RIC8B: variants seen among roughly 807,000 people sequenced by gnomAD.
RIC8B encodes the protein chaperone Ric-8B.
RIC8B carries 16 observed loss-of-function variants against 57.5 expected under a neutral mutation model. The ratio of observed to expected loss-of-function variants is 0.28; its 90% CI spans 0.19 to 0.42. The LOEUF is 0.42. Among genes scored for constraint, RIC8B ranks in the 10% least tolerant of loss-of-function variants. The pLI, the probability that RIC8B is intolerant of heterozygous loss-of-function variation, is 1.00. For missense variants in RIC8B, 481 were observed against 677.0 expected (o/e 0.71, Z 3.21); for synonymous variants, 216 against 250.8 (o/e 0.86, Z 1.31).
rs17038783 is a variant in RIC8B, at chr12:106,798,824, A to C, written c.132+14780A>C. The stretch of plus-strand genomic sequence containing the variant: ...CATTTATCAAAAAGCTTTCTCTGGC[A>C]AAATTTCTTATAGTTCATTCCTTCA... On this transcript the variant is annotated intron_variant, in intron 2 of 9. Coordinates refer to ENST00000392837, the MANE Select transcript of RIC8B (RefSeq NM_001330145.2). 7.6e-3 allele frequency among the ~76,000 whole-genome samples: 1,153 copies of C among 152,276 alleles called. 14 individuals are homozygous for C. The highest frequency in any genetic ancestry group is 0.027 in the African/African-American group (1,113 of 41,546).
At chr12:106,790,581 T>C (rs916732445) in intron 2 of RIC8B, among the ~76,000 whole-genome samples, 5 of 152,092 alleles carry the variant, frequency 3.3e-5, no homozygotes, top group African/African-American at 1.2e-4. Context: ...ATATGTAGGA[T>C]TGGTGGGGAG....
intron 8 of RIC8B, among the ~76,000 whole-genome samples, chr12:106,861,248 T>A (rs1046168639): frequency 6.6e-6 from 1 of 152,046 alleles, no homozygotes; most frequent in Non-Finnish European, 1.5e-5. Flanking sequence ...ACATGCTGTG[T>A]TTTCTGCTTG....
rs1482821747 is a variant in RIC8B, at chr12:106,795,914, A to G, written c.132+11870A>G. 2.0e-5 allele frequency among the ~76,000 whole-genome samples: 3 copies of G among 152,212 alleles called. No homozygotes were observed. The East Asian group carries it at 5.8e-4, about 29-fold the overall frequency. Reference sequence around the variant, plus strand: ...AATCTGGAGCTGTTTCTAATAAGGTATATATGCTAAGCCCTAGAATAATGA... The same window carrying G: ...AATCTGGAGCTGTTTCTAATAAGGTGTATATGCTAAGCCCTAGAATAATGA... On this transcript the variant is annotated intron_variant, in intron 2 of 9. Coordinates refer to ENST00000392837, the MANE Select transcript of RIC8B (RefSeq NM_001330145.2).
intron 9 of RIC8B, among the ~76,000 whole-genome samples, chr12:106,880,557 G>T (rs1362316688): frequency 2.5e-4 from 38 of 152,128 alleles, no homozygotes; most frequent in Admixed American, 2.4e-3. Flanking sequence ...CCATATGGAA[G>T]AAGCTCAGTC....
intron 6 of RIC8B, 62 bp from the exon 7 acceptor site, chr12:106,851,388 G>C: frequency 8.2e-7 from 1 of 1,225,694 alleles, no homozygotes; most frequent in South Asian, 1.2e-5. Context: ...CAGTTGCATT[G>C]TACCATCCTC....
At chr12:106,824,184 A>G (rs1481199473) in intron 3 of RIC8B, among the ~76,000 whole-genome samples, 3 of 151,826 alleles carry the variant, frequency 2.0e-5, no homozygotes, top group Admixed American at 2.0e-4. Context: ...CCTTCCCCCA[A>G]CCTTCAAATG....
In RIC8B at chr12:106,791,361, T is replaced by G. The variant is rs141330849; in HGVS notation, c.132+7317T>G. Among the ~76,000 whole-genome samples the G allele has an allele frequency of 2.6e-5, 4 of 152,348 alleles. No homozygotes were observed. The East Asian group carries it at 7.7e-4, about 29-fold the overall frequency. On this transcript the variant is annotated intron_variant, in intron 2 of 9. Coordinates refer to ENST00000392837, the MANE Select transcript of RIC8B (RefSeq NM_001330145.2). ...TATAAGCATAGGTTCATTATATAAT[T>G]ATAACGTTACAATATACTGTTACAA...
At chr12:106,796,866 A>G (rs541709599) in intron 2 of RIC8B, among the ~76,000 whole-genome samples, 5 of 152,346 alleles carry the variant, frequency 3.3e-5, no homozygotes, top group African/African-American at 1.2e-4. Context: ...AAAATGGGCA[A>G]ATGATCTGAC....
At chr12:106,851,766 C>T (rs573686512) in intron 7 of RIC8B, among the ~76,000 whole-genome samples, 172 bp downstream of exon 7, 5 of 152,264 alleles carry the variant, frequency 3.3e-5, no homozygotes, top group South Asian at 2.1e-4. Flanking sequence ...CATTTGTATA[C>T]GCTTCTGAAT....
intron 9 of RIC8B, chr12:106,871,489 A>AAAAAAAC (rs1950413117): frequency 7.0e-6 from 1 of 143,474 alleles, no homozygotes; most frequent in African/African-American, 2.6e-5. Context: ...AAAAAAAAAA[A>AAAAAAAC]AAAAAAAAAC....
intron 8 of RIC8B, among the ~76,000 whole-genome samples, chr12:106,866,850 G>C (rs1001130366): frequency 1.3e-5 from 2 of 152,170 alleles, no homozygotes; most frequent in African/African-American, 4.8e-5. Flanking sequence ...AAAACTGGAA[G>C]TTCTGGTTAC....
chr12:106,783,202 A>G lies in RIC8B; in HGVS notation c.85-795A>G, dbSNP rs150111593. ...TTGGCATCATCATCATTATATCCCT[A>G]ATATTTACTGAGTATTGCTACTTGC... On this transcript the variant is annotated intron_variant, in intron 1 of 9. Transcript: ENST00000392837. Among the ~76,000 whole-genome samples the G allele has an allele frequency of 2.5e-3, 382 of 152,206 alleles. 1 individual carries two copies. Among genetic ancestry groups the G allele is most frequent in the African/African-American group, 8.4e-3 (349 of 41,518 alleles).
At chr12:106,829,706 C>T (rs972214376) in intron 4 of RIC8B, among the ~76,000 whole-genome samples, 8 of 152,104 alleles carry the variant, frequency 5.3e-5, no homozygotes, top group Non-Finnish European at 7.4e-5. Flanking sequence ...TAATGTGCAA[C>T]CATCACCACC....
intron 9 of RIC8B, among the ~76,000 whole-genome samples, chr12:106,883,218 T>A (rs1951032571): frequency 6.6e-6 from 1 of 152,122 alleles, no homozygotes; most frequent in South Asian, 2.1e-4. Flanking sequence ...ACACCTGAGT[T>A]TACCAACCCC....
At chr12:106,832,230 G>A (rs575818378) in intron 4 of RIC8B, among the ~76,000 whole-genome samples, 2 of 152,020 alleles carry the variant, frequency 1.3e-5, no homozygotes, top group South Asian at 4.2e-4. Context: ...TTTTTTTCAT[G>A]GTACTTATCA....
In RIC8B at chr12:106,867,112, G is replaced by A. The variant is rs1001058492; in HGVS notation, c.1452-3711G>A. Among the ~76,000 whole-genome samples, 1 of 152,160 alleles carries A rather than the reference G, an allele frequency of 6.6e-6. No homozygotes were observed. Among genetic ancestry groups the A allele is most frequent in the African/African-American group, 2.4e-5 (1 of 41,432 alleles). On this transcript the variant is annotated intron_variant, in intron 8 of 9. Transcript: ENST00000392837. This position sits in a 1 kb window ranked among gnomAD's most constrained non-coding sequence, Gnocchi z 4.3. ...TTTTAATGGATCTTTTTTGTTAAAT[G>A]ACCTAGTACTGTTGATGTTGGCCAA...
chr12:106,885,482 T>C (rs1162026953), intron 9 of RIC8B, among the ~76,000 whole-genome samples: 1 of 151,834 alleles, frequency 6.6e-6, no homozygotes, highest in African/African-American at 2.4e-5. Flanking sequence ...ATGAAGTGTA[T>C]GCATATCAAA....
intron 4 of RIC8B, among the ~76,000 whole-genome samples, chr12:106,826,509 T>G (rs2046104942): frequency 6.6e-6 from 1 of 152,168 alleles, no homozygotes; most frequent in African/African-American, 2.4e-5. Flanking sequence ...AACCCAACAC[T>G]TTGGGAGTCC....
At chr12:106,775,879 C>G (rs2043453020) in intron 1 of RIC8B, among the ~76,000 whole-genome samples, 2 of 152,202 alleles carry the variant, frequency 1.3e-5, no homozygotes, top group African/African-American at 4.8e-5. Context: ...CTTTTGCCCC[C>G]GTACATCGTC....
Sources: gnomAD v4.1 joint callset for allele counts (sites outside exome capture counted in the v4.1 genomes callset) on GRCh38, gnomAD v4.1.1 for gene constraint, Gnocchi (gnomAD v3.1) non-coding constraint, MANE v1.5 for transcripts, NCBI Gene and HGNC (gene_info 2026-07-23, HGNC 2026-07-21) for gene names.